Variants in FGFR2 observed in about 807,000 individuals in gnomAD.
FGFR2 encodes the protein fibroblast growth factor receptor 2, also known as BEK fibroblast growth factor receptor.
Under a neutral mutation model 95.9 loss-of-function variants are expected in FGFR2, and 19 were observed. The observed-to-expected ratio is 0.20, with a 90% CI of 0.14 to 0.29. The LOEUF (loss-of-function observed/expected upper bound fraction) is 0.29. FGFR2 is among the 10% of genes least tolerant of loss of function. The pLI is 1.00. For synonymous variants in FGFR2, 392 were observed against 393.3 expected, an observed-to-expected ratio of 1.00 and a Z score of 0.04; for missense variants, 707 against 1,056.9, an observed-to-expected ratio of 0.67 and a Z score of 4.59.
chr10:121,574,874 G>A (rs41302275), intron 2 of FGFR2, among the ~76,000 whole-genome samples: 33 of 152,340 alleles, frequency 2.2e-4, no homozygotes, highest in Non-Finnish European at 1.2e-4. Context: ...AGAAGTCAAA[G>A]CAACAAACAA....
chr10:121,584,921 C>T (rs1861591483), intron 2 of FGFR2, among the ~76,000 whole-genome samples: 1 of 138,624 alleles, frequency 7.2e-6, no homozygotes, highest in Admixed American at 7.2e-5. Flanking sequence ...TCCCATAACC[C>T]CTCTCCATCC....
chr10:121,515,031 G>T, intron 9 of FGFR2, 86 bp downstream of exon 9: 1 of 1,277,794 alleles, frequency 7.8e-7, no homozygotes, highest in Non-Finnish European at 1.1e-6. Flanking sequence ...CACAGAAGTC[G>T]ATGGCATCAA....
At chr10:121,512,770 G>T (rs1179328693) in intron 9 of FGFR2, among the ~76,000 whole-genome samples, 3 of 152,040 alleles carry the variant, frequency 2.0e-5, no homozygotes, top group Non-Finnish European at 4.4e-5. Context: ...AAATTATGAT[G>T]AATAAATAAA....
intron 5 of FGFR2, among the ~76,000 whole-genome samples, chr10:121,541,413 G>A (rs1853720665): frequency 6.6e-6 from 1 of 152,154 alleles, no homozygotes. Flanking sequence ...AACTACAATA[G>A]TTAACTTTAT....
intron 9 of FGFR2, among the ~76,000 whole-genome samples, chr10:121,514,911 A>G (rs991427172): frequency 2.6e-5 from 4 of 152,044 alleles, no homozygotes; most frequent in African/African-American, 9.7e-5. Context: ...TTGCCCTTGG[A>G]ACTGGACCCC....
intron 4 of FGFR2, among the ~76,000 whole-genome samples, chr10:121,561,718 C>G (rs1294536978): frequency 6.6e-6 from 1 of 152,166 alleles, no homozygotes; most frequent in Non-Finnish European, 1.5e-5. Flanking sequence ...AAAATTTCTG[C>G]TCTGCAAGAG....
intron 6 of FGFR2, among the ~76,000 whole-genome samples, chr10:121,536,327 C>T (rs1362653642): frequency 1.3e-5 from 2 of 152,156 alleles, no homozygotes; most frequent in African/African-American, 2.4e-5. Context: ...TGACTTTTGG[C>T]TTCTATTTAT....
At position 121,550,852 on chromosome 10, in the gene FGFR2, A is replaced by G. The variant is rs1026897872; in HGVS notation, c.624+438T>C. On this transcript the variant is annotated intron_variant, in intron 5 of 17. Coordinates refer to ENST00000358487, the MANE Select transcript of FGFR2 (RefSeq NM_000141.5). ...TTTAATATCAAACCCTGACATGGGCAATTGTGACAATTATTGATTCTTGTT... is the reference window on the plus strand; with the variant it reads ...TTTAATATCAAACCCTGACATGGGCGATTGTGACAATTATTGATTCTTGTT... 2.6e-5 allele frequency among the ~76,000 whole-genome samples: 4 copies of G among 152,286 alleles called. No individual in the cohort carries two copies. The East Asian group carries it at 5.8e-4, about 22-fold the overall frequency.
intron 2 of FGFR2, among the ~76,000 whole-genome samples, chr10:121,567,860 C>A (rs1278325273): frequency 6.6e-6 from 1 of 152,222 alleles, no homozygotes; most frequent in Non-Finnish European, 1.5e-5. Flanking sequence ...GCAAGCCCTA[C>A]AATATTTGCA....
chr10:121,577,158 AATATAT>A (rs1859958046), intron 2 of FGFR2, among the ~76,000 whole-genome samples: 4 of 13,958 alleles, frequency 2.9e-4, no homozygotes, highest in African/African-American at 8.1e-4. Context: ...AAAAAAAAAA[AATATAT>A]ATATATATAT....
At chr10:121,502,960 T>C (rs1039950752) in intron 10 of FGFR2, among the ~76,000 whole-genome samples, 1 of 152,120 alleles carries the variant, frequency 6.6e-6, no homozygotes, top group Non-Finnish European at 1.5e-5. Flanking sequence ...AGGTTTGCAG[T>C]TCAGAGCTCC....
chr10:121,518,355 C>T lies in FGFR2; in HGVS notation c.940-892G>A, dbSNP rs3135758. Among the ~76,000 whole-genome samples, 6,861 of 152,148 alleles carry T rather than the reference C, an allele frequency of 0.045. 201 individuals are homozygous for T. The highest frequency in any genetic ancestry group is 0.075 in the Middle Eastern group (22 of 294). ...GCCCCGTATTAAACAGGCATGGAAG[C>T]GTGTGTTTTAAATGGTGTTAATGTG... On this transcript the variant is annotated intron_variant, in intron 7 of 17. Transcript: ENST00000358487. The surrounding 1 kb of genome is among the most constrained non-coding windows in gnomAD (Gnocchi z 4.0).
chr10:121,583,485 C>T (rs149818874), intron 2 of FGFR2: 15 of 152,312 alleles, frequency 9.8e-5, no homozygotes, highest in African/African-American at 3.1e-4. Flanking sequence ...CAGCCTGGAC[C>T]ACCAACTGGG....
chr10:121,585,288 G>A (rs1237348150), intron 2 of FGFR2, among the ~76,000 whole-genome samples: 1 of 152,210 alleles, frequency 6.6e-6, no homozygotes, highest in Non-Finnish European at 1.5e-5. Flanking sequence ...CCTAGAGCCA[G>A]TTTTACATTT....
chr10:121,557,021 G>A (rs1342318511), intron 4 of FGFR2, among the ~76,000 whole-genome samples: 3 of 152,326 alleles, frequency 2.0e-5, no homozygotes, highest in East Asian at 3.9e-4. Flanking sequence ...ATATGATTAT[G>A]AGGGGGTATG....
chr10:121,563,949 C>T (rs139535720), intron 4 of FGFR2, among the ~76,000 whole-genome samples: 223 of 152,244 alleles, frequency 1.5e-3, no homozygotes, highest in African/African-American at 4.1e-3. Flanking sequence ...TGTAGGAGGC[C>T]GGGTTTCTCA....
At chr10:121,501,424 T>C (rs1475483275) in intron 10 of FGFR2, among the ~76,000 whole-genome samples, 5 of 152,226 alleles carry the variant, frequency 3.3e-5, no homozygotes, top group Non-Finnish European at 5.9e-5. Flanking sequence ...CTTAAAAGCA[T>C]TTCAAGGAAT....
chr10:121,500,570 G>A (rs532307928), intron 11 of FGFR2, among the ~76,000 whole-genome samples: 20 of 152,208 alleles, frequency 1.3e-4, no homozygotes, highest in South Asian at 6.2e-4. Context: ...TTGTGGTCAC[G>A]AAGAAGGAGT....
At chr10:121,527,380 A>T (rs1851516607) in intron 6 of FGFR2, among the ~76,000 whole-genome samples, 1 of 152,208 alleles carries the variant, frequency 6.6e-6, no homozygotes. Flanking sequence ...AGAACTGAAG[A>T]TTCTTTGGTA....
Sources: gnomAD v4.1 joint callset for allele counts (sites outside exome capture counted in the v4.1 genomes callset) on GRCh38, gnomAD v4.1.1 for gene constraint, Gnocchi (gnomAD v3.1) non-coding constraint, MANE v1.5 for transcripts, NCBI Gene and HGNC (gene_info 2026-07-23, HGNC 2026-07-21) for gene names.